Variants in NAT1 observed in about 807,000 individuals in gnomAD.
The protein encoded by NAT1 is N-acetyltransferase 1.
For synonymous variants in NAT1, 144 were observed against 122.6 expected (o/e 1.17, Z -1.16); for missense variants, 400 against 339.2 (o/e 1.18, Z -1.41).
rs776486965 is a variant in NAT1 at position 18,222,340 on chromosome 8, C to T, written c.293C>T (p.Ala98Val). The T allele has an allele frequency of 1.2e-6, 2 of 1,613,998 alleles. No homozygotes were observed. The highest frequency in any genetic ancestry group is 1.7e-6 in the Non-Finnish European group (2 of 1,179,978). The change falls in exon 3 of 3, where the codon GCC becomes GTC. Residue 98 changes from alanine (A) to valine (V), a missense_variant. Physicochemically the swap from Ala to Val is moderately conservative, Grantham distance 64. Transcript: ENST00000307719. ...GGAGGGTATGTTTACAGCACTCCAG[C>T]CAAAAAATACAGCACTGGCATGATT... Reference protein sequence around the residue: ...MLGGYVYSTPAKKYSTGMIHL... With the variant: ...MLGGYVYSTPVKKYSTGMIHL...
chr8:18,179,326 G>A (rs1039367493), intron 2 of NAT1, among the ~76,000 whole-genome samples: 1 of 152,182 alleles, frequency 6.6e-6, no homozygotes, highest in Non-Finnish European at 1.5e-5. Context: ...ATAGGGAAGA[G>A]AGAGAATGAA....
intron 2 of NAT1, among the ~76,000 whole-genome samples, chr8:18,192,379 T>C (rs1362980748): frequency 6.6e-6 from 1 of 152,194 alleles, no homozygotes; most frequent in South Asian, 2.1e-4. Flanking sequence ...GGAACACTTT[T>C]CCACTGTTGG....
intron 1 of NAT1, chr8:18,212,343 T>C (rs990996301): frequency 6.6e-6 from 1 of 152,232 alleles, no homozygotes; most frequent in African/African-American, 2.4e-5. Flanking sequence ...CAGGACCCTC[T>C]AGAAGTTGCC....
chr8:18,179,001 T>G (rs1205312108), intron 2 of NAT1, among the ~76,000 whole-genome samples: 1 of 152,146 alleles, frequency 6.6e-6, no homozygotes. Flanking sequence ...TTTCAACTTG[T>G]CCTTCTTGTT....
chr8:18,208,993 G>A (rs893416720), upstream of NAT1, among the ~76,000 whole-genome samples: 1 of 152,188 alleles, frequency 6.6e-6, no homozygotes, highest in African/African-American at 2.4e-5. Context: ...GTGAGACCAG[G>A]GCAGTTTGAC....
intron 1 of NAT1, among the ~76,000 whole-genome samples, chr8:18,214,684 A>T (rs1323726784): frequency 6.6e-6 from 1 of 152,150 alleles, no homozygotes; most frequent in African/African-American, 2.4e-5. Flanking sequence ...ATTTATCTTT[A>T]CATACATTTT....
chr8:18,179,413 C>T (rs973930139), intron 2 of NAT1, among the ~76,000 whole-genome samples: 3 of 152,130 alleles, frequency 2.0e-5, no homozygotes, highest in African/African-American at 7.2e-5. Flanking sequence ...AAATTAGTAG[C>T]ATCCTCTTGA....
intron 2 of NAT1, among the ~76,000 whole-genome samples, chr8:18,193,332 C>T (rs927101368): frequency 6.6e-6 from 1 of 150,376 alleles, no homozygotes; most frequent in South Asian, 2.1e-4. Flanking sequence ...GCTCACACCT[C>T]GACCTCCTGT....
upstream of NAT1, among the ~76,000 whole-genome samples, chr8:18,207,155 C>G (rs183376994): frequency 1.3e-5 from 2 of 152,192 alleles, no homozygotes; most frequent in East Asian, 3.9e-4. Context: ...TTGTTTTTGT[C>G]AGGTTTGTTG....
chr8:18,197,108 A>G (rs28383682), intron 2 of NAT1, among the ~76,000 whole-genome samples: 24 of 152,228 alleles, frequency 1.6e-4, no homozygotes, highest in African/African-American at 5.5e-4. Context: ...CATGAGAACT[A>G]ACTCACTATT....
intron 1 of NAT1, among the ~76,000 whole-genome samples, chr8:18,214,627 TTC>T (rs201484177): frequency 0.05 from 7,564 of 152,270 alleles, 545 homozygotes; most frequent in African/African-American, 0.16. Context: ...TCCCAGAATT[TTC>T]TCTTTTGTTT....
chr8:18,210,610 C>T (rs28359486), intron 1 of NAT1, among the ~76,000 whole-genome samples: 1 of 152,338 alleles, frequency 6.6e-6, no homozygotes, highest in African/African-American at 2.4e-5. Context: ...TCACCCTCCT[C>T]TGTCCCCAGT....
intron 2 of NAT1, among the ~76,000 whole-genome samples, chr8:18,182,253 G>A (rs1802551243): frequency 6.6e-6 from 1 of 152,074 alleles, no homozygotes; most frequent in African/African-American, 2.4e-5. Context: ...TTGACAGAAG[G>A]CCTGTTCAGC....
chr8:18,197,538 C>T (rs1388234652), intron 2 of NAT1, among the ~76,000 whole-genome samples: 2 of 152,134 alleles, frequency 1.3e-5, no homozygotes, highest in Non-Finnish European at 2.9e-5. Flanking sequence ...CACGACAGCC[C>T]GTCACAACAA....
At chr8:18,204,157 A>G (rs1803601165) in intron 2 of NAT1, among the ~76,000 whole-genome samples, 1 of 146,122 alleles carries the variant, frequency 6.8e-6, no homozygotes, top group African/African-American at 2.8e-5. Context: ...GACTTTTTGG[A>G]TGTCTTTCTC....
At chr8:18,221,247 C>A (rs138404906) in intron 2 of NAT1, among the ~76,000 whole-genome samples, 1 of 151,342 alleles carries the variant, frequency 6.6e-6, no homozygotes, top group Non-Finnish European at 1.5e-5. Flanking sequence ...ATCCTCCTCA[C>A]GCATATCCTT....
chr8:18,203,838 A>G (rs1040513038), intron 2 of NAT1, among the ~76,000 whole-genome samples: 2 of 152,190 alleles, frequency 1.3e-5, no homozygotes, highest in Non-Finnish European at 2.9e-5. Context: ...TCGTTTTCTA[A>G]CAAAGAACAG....
At chr8:18,214,328 C>G (rs2117362775) in intron 1 of NAT1, among the ~76,000 whole-genome samples, 1 of 152,284 alleles carries the variant, frequency 6.6e-6, no homozygotes, top group Admixed American at 6.5e-5. Context: ...TTGCATTTCT[C>G]AAGCTCTTTT....
chr8:18,186,624 A>G (rs1802746505), intron 2 of NAT1, among the ~76,000 whole-genome samples: 1 of 152,058 alleles, frequency 6.6e-6, no homozygotes, highest in Non-Finnish European at 1.5e-5. Flanking sequence ...TCCCATATGT[A>G]CTTGATTCAT....
Sources: gnomAD v4.1 joint callset for allele counts (sites outside exome capture counted in the v4.1 genomes callset) on GRCh38, gnomAD v4.1.1 for gene constraint, MANE v1.5 for transcripts, NCBI Gene and HGNC (gene_info 2026-07-23, HGNC 2026-07-21) for gene names.